The following FAM199X variants were observed in gnomAD, a reference collection of about 807,000 sequenced individuals.
FAM199X encodes the protein protein FAM199X.
A neutral mutation model predicts 22.9 loss-of-function variants in FAM199X; 4 were observed. The observed-to-expected ratio is 0.17, with a 90% CI of 0.09 to 0.40. The LOEUF (loss-of-function observed/expected upper bound fraction) is 0.40, where lower values mean the gene tolerates loss of function less well. Ranked by LOEUF, FAM199X falls within the 10% of genes least tolerant of loss-of-function variation. The pLI is 1.00. For missense variants in FAM199X, 183 were observed against 306.8 expected, an observed-to-expected ratio of 0.60 and a Z score of 3.01; for synonymous variants, 101 against 112.3, an observed-to-expected ratio of 0.90 and a Z score of 0.64.
intron 2 of FAM199X, among the ~76,000 whole-genome samples, chrX:104,176,218 CTG>C (rs1444309535): frequency 2.7e-5 from 3 of 111,854 alleles, no homozygotes; most frequent in Non-Finnish European, 5.6e-5. Flanking sequence ...ATATCATAAA[CTG>C]TTATTACCAT....
At chrX:104,179,567 A>G (rs782221336) in intron 2 of FAM199X, among the ~76,000 whole-genome samples, 9 of 111,657 alleles carry the variant, frequency 8.1e-5, no homozygotes, top group Admixed American at 6.7e-4. Context: ...ATCGTTTTCT[A>G]TATTTAAGAT....
At chrX:104,163,328 C>T (rs1427472004), upstream of FAM199X, among the ~76,000 whole-genome samples, 2 of 112,086 alleles carry the variant, frequency 1.8e-5, no homozygotes, top group African/African-American at 6.5e-5. Context: ...GACTTTAAGG[C>T]AGATTACCCC....
chrX:104,171,340 C>T (rs1299767603), intron 1 of FAM199X, among the ~76,000 whole-genome samples: 1 of 110,870 alleles, frequency 9.0e-6, no homozygotes, highest in Non-Finnish European at 1.9e-5. Context: ...TTCTTTTCAA[C>T]GTCTTTCAAG....
chrX:104,162,947 C>T (rs376409761), upstream of FAM199X, among the ~76,000 whole-genome samples: 1 of 111,878 alleles, frequency 8.9e-6, no homozygotes, highest in African/African-American at 3.2e-5. Context: ...AATCAAACTT[C>T]CAATTCTTAA....
Position 104,189,621 on chromosome X carries a change from A to C in FAM199X, c.1010A>C (p.Gln337Pro). ...TTATTTTGACAGAAGCGATCCAAGC[A>C]GCGGAAGTTACAGCAGAAGGCCTTC... ...RIRDSKKRSK[Q>P]RKLQQKAFRK... The change falls in exon 6 of 6, where the codon CAG (glutamine) becomes CCG (proline). Residue 337 changes from glutamine to proline, a missense_variant. Around this residue, in one of 2 missense-constraint regions of FAM199X, gnomAD observed 128 missense variants for 246.2 expected, o/e 0.52. Transcript: ENST00000493442. 1 of 1,211,853 alleles carries C rather than the reference A, an allele frequency of 8.3e-7. No homozygotes were observed. Among genetic ancestry groups the C allele is most frequent in the Non-Finnish European group, 1.1e-6 (1 of 895,506 alleles).
At chrX:104,169,312 T>C (rs1273397760) in intron 1 of FAM199X, among the ~76,000 whole-genome samples, 1 of 112,535 alleles carries the variant, frequency 8.9e-6, no homozygotes, top group Non-Finnish European at 1.9e-5. Flanking sequence ...GTTTAGTGAT[T>C]GTAAAACAAA....
chrX:104,184,095 A>C (rs1921733968), intron 2 of FAM199X, among the ~76,000 whole-genome samples: 1 of 112,037 alleles, frequency 8.9e-6, no homozygotes, highest in African/African-American at 3.2e-5. Context: ...GTCATCTGAA[A>C]CCTAGCATTC....
Position 104,191,320 on chromosome X carries a change from TG to T in FAM199X, c.*1546del, listed in dbSNP as rs1181643705. ...TCCTTGAAGGTTAAAGAATGGAAAC[TG>T]GGGATAAAAATTAATACACTGCAGC... On this transcript the variant is annotated 3_prime_UTR_variant, in exon 6 of 6. Transcript: ENST00000493442. The T allele has an allele frequency of 8.9e-6, 1 of 112,255 alleles. No homozygotes were observed. The highest frequency in any genetic ancestry group is 3.2e-5 in the African/African-American group (1 of 30,988). The allele number at this position is 112,255 out of a possible 1,213,427, so 9.3% of individuals were successfully genotyped here.
intron 2 of FAM199X, among the ~76,000 whole-genome samples, chrX:104,183,783 G>A (rs1921725922): frequency 8.9e-6 from 1 of 112,262 alleles, no homozygotes; most frequent in African/African-American, 3.2e-5. Context: ...GATTTTAAAA[G>A]AAGTTATACA....
chrX:104,178,567 C>T (rs1296295331), intron 2 of FAM199X, among the ~76,000 whole-genome samples: 1 of 111,492 alleles, frequency 9.0e-6, no homozygotes, highest in African/African-American at 3.3e-5. Context: ...AGGCATGCAC[C>T]ACTGCACCTG....
At chrX:104,184,199 C>T (rs1482191099) in intron 2 of FAM199X, among the ~76,000 whole-genome samples, 1 of 112,069 alleles carries the variant, frequency 8.9e-6, no homozygotes, top group African/African-American at 3.2e-5. Context: ...GCTTTGAATC[C>T]CCTGTACCTA....
At chrX:104,179,576 A>G (rs1556377320) in intron 2 of FAM199X, among the ~76,000 whole-genome samples, 1 of 111,708 alleles carries the variant, frequency 9.0e-6, no homozygotes, top group African/African-American at 3.2e-5. Context: ...TATATTTAAG[A>G]TCATGTCATC....
At chrX:104,169,183 G>C (rs1409019937) in intron 1 of FAM199X, among the ~76,000 whole-genome samples, 1 of 111,816 alleles carries the variant, frequency 8.9e-6, no homozygotes, top group African/African-American at 3.3e-5. Flanking sequence ...AGTTTAGGGA[G>C]TTCTTTTATT....
Position 104,190,331 on chromosome X carries a change from G to T in FAM199X, c.*553G>T, listed in dbSNP as rs782242129. 1.8e-5 allele frequency: 2 copies of T among 112,345 alleles called. No homozygotes were observed. Among genetic ancestry groups the T allele is most frequent in the African/African-American group, 6.5e-5 (2 of 30,842 alleles). The allele number at this position is 112,345 out of a possible 1,213,427, so 9.3% of individuals were successfully genotyped here. On this transcript the variant is annotated 3_prime_UTR_variant, in exon 6 of 6. Transcript: ENST00000493442. ...GGTGGAAATCTTTTCTGAGGTGTGG[G>T]GGTGGGCAAGGTGTGGATTGCTGTT...
the FAM199X span, among the ~76,000 whole-genome samples, chrX:104,160,377 T>C: frequency 8.8e-6 from 1 of 113,114 alleles, no homozygotes; most frequent in Admixed American, 9.4e-5. Context: ...GGAAAAATTA[T>C]GTTTTTATTA....
In FAM199X at chrX:104,188,114, T is replaced by C. The variant is rs1921849559; in HGVS notation, c.804T>C (p.Ser268=). ...AREAWKRSNF[S]CASTSGVSGA... is the part of the protein sequence containing the mutation. ...AGGCCTGGAAGAGAAGCAACTTTAG[T>C]TGTGCAAGCACCAGTGGAGTGAGCG... Residue 268 remains serine, a synonymous_variant, in exon 5 of 6, where the codon AGT becomes AGC. Coordinates refer to ENST00000493442, the MANE Select transcript of FAM199X (RefSeq NM_207318.4). 4 of 1,211,867 alleles carry C rather than the reference T, an allele frequency of 3.3e-6. No homozygotes were observed. Among genetic ancestry groups the C allele is most frequent in the Non-Finnish European group, 4.5e-6 (4 of 895,578 alleles).
chrX:104,166,721 G>T lies in FAM199X; in HGVS notation c.-65G>T. On this transcript the variant is annotated 5_prime_UTR_variant, in exon 1 of 6. Transcript: ENST00000493442. ...GCGACTGCGGACAGGTTAGAGTGGG[G>T]GCAGGGGCGGGCGCGGGAGCAGCCC... The T allele has an allele frequency of 9.4e-7, 1 of 1,060,049 alleles. No individual in the cohort carries two copies. Among genetic ancestry groups the T allele is most frequent in the Non-Finnish European group, 1.3e-6 (1 of 783,203 alleles). 87.4% of individuals were successfully genotyped at this position (1,060,049 alleles called of 1,213,427 possible).
upstream of FAM199X, among the ~76,000 whole-genome samples, chrX:104,165,845 T>G (rs1921158913): frequency 9.0e-6 from 1 of 111,523 alleles, no homozygotes; most frequent in Admixed American, 9.5e-5. Context: ...CAGGGAAGGC[T>G]TCACTGAGGA....
chrX:104,171,884 C>A lies in FAM199X; in HGVS notation c.198-3739C>A, dbSNP rs782755370. On this transcript the variant is annotated intron_variant, in intron 1 of 5. Coordinates refer to ENST00000493442, the MANE Select transcript of FAM199X (RefSeq NM_207318.4). ...ACATATTTGTACACACATCTTTTTT[C>A]CAAATTTCTGTTTGGGGAAGGGAAC... Among the ~76,000 whole-genome samples, 5 of 111,445 alleles carry A rather than the reference C, an allele frequency of 4.5e-5. No homozygotes were observed. In the East Asian group the frequency reaches 1.4e-3, roughly 31 times the overall value.
Sources: allele counts gnomAD v4.1 joint callset (sites outside exome capture counted in the v4.1 genomes callset), GRCh38; gene constraint gnomAD v4.1.1; regional missense constraint gnomAD v4.1.1; transcripts MANE v1.5; gene names NCBI Gene and HGNC (gene_info 2026-07-23, HGNC 2026-07-21).